The following TAFA2 variants were observed in gnomAD, a reference collection of about 807,000 sequenced individuals.
TAFA2 encodes chemokine-like protein TAFA-2.
TAFA2 carries 7 observed loss-of-function variants against 18.8 expected under a neutral mutation model. The ratio of observed to expected loss-of-function variants is 0.37; its 90% CI spans 0.21 to 0.70. The LOEUF (loss-of-function observed/expected upper bound fraction) is 0.70, where lower values mean the gene tolerates loss of function less well. Ranked by LOEUF, TAFA2 falls within the 30% of genes least tolerant of loss-of-function variation. TAFA2 has a pLI of 0.53. For missense variants in TAFA2, 122 were observed against 158.1 expected, an observed-to-expected ratio of 0.77 and a Z score of 1.23; for synonymous variants, 60 against 54.2, an observed-to-expected ratio of 1.11 and a Z score of -0.47.
intron 1 of TAFA2, among the ~76,000 whole-genome samples, chr12:62,251,006 T>C (rs565521701): frequency 6.6e-6 from 1 of 152,290 alleles, no homozygotes; most frequent in East Asian, 1.9e-4. Flanking sequence ...GAAATATGCG[T>C]ATATTGTTGT....
chr12:61,922,898 G>A (rs575954620), intron 1 of TAFA2, among the ~76,000 whole-genome samples: 15 of 152,240 alleles, frequency 9.9e-5, no homozygotes, highest in East Asian at 3.9e-4. Context: ...TGGGACGCTC[G>A]AGCTTGGTGG....
chr12:62,088,266 C>T (rs1291160767), intron 1 of TAFA2, among the ~76,000 whole-genome samples: 1 of 151,912 alleles, frequency 6.6e-6, no homozygotes, highest in Non-Finnish European at 1.5e-5. Context: ...ATTCCTCTTT[C>T]CATCCCAATT....
At chr12:61,982,291 G>T (rs7955124) in intron 1 of TAFA2, among the ~76,000 whole-genome samples, 78,136 of 151,820 alleles carry the variant, frequency 0.51, 22,383 homozygotes, top group Non-Finnish European at 0.63. Context: ...GCCTGTCGTG[G>T]GGTGGGGGTC....
chr12:61,976,047 G>T (rs1879422486), intron 1 of TAFA2, among the ~76,000 whole-genome samples: 1 of 151,406 alleles, frequency 6.6e-6, no homozygotes. Flanking sequence ...CAATAAAGCT[G>T]GAATGAAAAA....
rs551983857 is a variant in TAFA2, at chr12:61,825,695, G to A, written c.106+41625C>T. 5.3e-5 allele frequency among the ~76,000 whole-genome samples: 8 copies of A among 152,140 alleles called. No individual in the cohort carries two copies. In the South Asian group the frequency reaches 8.3e-4, roughly 16 times the overall value. ...CTAATGCTTTTCAGGGTGCAGCACC[G>A]TCTTACTACAAGTCAAAAGAGGAGC... On this transcript the variant is annotated intron_variant, in intron 2 of 4. Transcript: ENST00000416284.
chr12:61,739,388 C>A (rs561782573), intron 4 of TAFA2, among the ~76,000 whole-genome samples: 200 of 152,108 alleles, frequency 1.3e-3, no homozygotes, highest in Non-Finnish European at 2.3e-3. Flanking sequence ...ATTTCAGTAA[C>A]CTCAGAAAGG....
chr12:62,081,944 C>T (rs1258699083), intron 1 of TAFA2, among the ~76,000 whole-genome samples: 2 of 152,016 alleles, frequency 1.3e-5, no homozygotes, highest in African/African-American at 4.8e-5. Context: ...TCTCCCTCCC[C>T]TCCTCCCCAC....
chr12:62,206,642 C>G (rs1469411165), intron 1 of TAFA2, among the ~76,000 whole-genome samples: 1 of 152,076 alleles, frequency 6.6e-6, no homozygotes, highest in Non-Finnish European at 1.5e-5. Context: ...AGCCTCCTGC[C>G]TCATTTTTTG....
intron 4 of TAFA2, among the ~76,000 whole-genome samples, chr12:61,749,532 T>C (rs181811493): frequency 2.2e-4 from 33 of 152,240 alleles, no homozygotes; most frequent in Admixed American, 1.2e-3. Context: ...ATGTGCTGCA[T>C]AGGAAATTCT....
rs894956186 is a variant in TAFA2, at chr12:62,164,534, G to A, written c.-2+26725C>T. Among the ~76,000 whole-genome samples the A allele has an allele frequency of 6.6e-5, 10 of 151,962 alleles. No individual in the cohort carries two copies. The South Asian group carries it at 1.2e-3, about 19-fold the overall frequency. On this transcript the variant is annotated intron_variant, in intron 1 of 4. Coordinates refer to ENST00000416284, the MANE Select transcript of TAFA2 (RefSeq NM_178539.5). Reference sequence around the variant, plus strand: ...TTAAGGCTCAGGCCTTAACACACACGATTCACTCATGATTTGAGATAGACA... The same window carrying A: ...TTAAGGCTCAGGCCTTAACACACACAATTCACTCATGATTTGAGATAGACA...
At chr12:61,785,663 A>C (rs1870707786) in intron 2 of TAFA2, among the ~76,000 whole-genome samples, 1 of 151,480 alleles carries the variant, frequency 6.6e-6, no homozygotes, top group Non-Finnish European at 1.5e-5. Context: ...ATCTCTCTGC[A>C]CTTCAGTATG....
At chr12:62,045,640 C>A (rs534983528) in intron 1 of TAFA2, among the ~76,000 whole-genome samples, 8 of 152,260 alleles carry the variant, frequency 5.3e-5, no homozygotes, top group African/African-American at 1.9e-4. Context: ...TATTAAAAAG[C>A]AGTAGCCTAA....
intron 1 of TAFA2, among the ~76,000 whole-genome samples, chr12:61,930,678 G>A (rs561861719): frequency 3.3e-5 from 5 of 152,224 alleles, no homozygotes; most frequent in South Asian, 2.1e-4. Context: ...CATTAGACTC[G>A]GTGAATATCC....
Position 61,910,077 on chromosome 12 carries a change from C to T in TAFA2, c.-1-42651G>A, listed in dbSNP as rs866324711. ...CAAAAGAGAGTAGTAAGATGGTGTG[C>T]GTGCTTGTGTGTGTGTGTGTGTTTG... On this transcript the variant is annotated intron_variant, in intron 1 of 4. Coordinates refer to ENST00000416284, the MANE Select transcript of TAFA2 (RefSeq NM_178539.5). 1.4e-3 allele frequency among the ~76,000 whole-genome samples: 202 copies of T among 140,226 alleles called. 1 individual carries two copies. Among genetic ancestry groups the T allele is most frequent in the Non-Finnish European group, 2.2e-3 (144 of 65,264 alleles). The allele number at this position is 140,226 out of a possible 152,430, so 92.0% of individuals were successfully genotyped here.
intron 1 of TAFA2, among the ~76,000 whole-genome samples, chr12:61,989,227 C>A (rs1203459776): frequency 1.3e-5 from 2 of 152,116 alleles, no homozygotes; most frequent in Admixed American, 6.5e-5. Flanking sequence ...AATAGAGTTG[C>A]ATGTGTCCTC....
At chr12:62,186,236 A>G (rs1483095335) in intron 1 of TAFA2, among the ~76,000 whole-genome samples, 1 of 152,194 alleles carries the variant, frequency 6.6e-6, no homozygotes, top group African/African-American at 2.4e-5. Flanking sequence ...AAGGTTCAGA[A>G]TGTTTGCATG....
At chr12:61,947,905 G>C (rs1592506884) in intron 1 of TAFA2, among the ~76,000 whole-genome samples, 1 of 152,234 alleles carries the variant, frequency 6.6e-6, no homozygotes, top group South Asian at 2.1e-4. Flanking sequence ...TGAGATGGGA[G>C]TACAGATATA....
chr12:62,172,879 C>A (rs561315502), intron 1 of TAFA2, among the ~76,000 whole-genome samples: 52 of 152,202 alleles, frequency 3.4e-4, no homozygotes, highest in Non-Finnish European at 7.2e-4. Context: ...CACCTGTGTT[C>A]AATTCCAATT....
chr12:62,111,473 G>C (rs117619854), intron 1 of TAFA2, among the ~76,000 whole-genome samples: 2 of 152,104 alleles, frequency 1.3e-5, no homozygotes, highest in African/African-American at 2.4e-5. Context: ...GTTGATTTGC[G>C]GTGGAGATTT....
Sources: allele counts gnomAD v4.1 joint callset (sites outside exome capture counted in the v4.1 genomes callset), GRCh38; gene constraint gnomAD v4.1.1; transcripts MANE v1.5; gene names NCBI Gene and HGNC (gene_info 2026-07-23, HGNC 2026-07-21).